Variants in PREX2 observed in about 807,000 individuals in gnomAD.
PREX2 encodes the protein phosphatidylinositol 3,4,5-trisphosphate-dependent Rac exchanger 2 protein.
Under a neutral mutation model 203.2 loss-of-function variants are expected in PREX2, and 107 were observed. The observed-to-expected ratio is 0.53, with a 90% CI of 0.45 to 0.62. The LOEUF is 0.62. PREX2 is among the 20% of genes least tolerant of loss of function. The probability of loss-of-function intolerance (pLI) is 0.00; values close to 1 mark genes in which losing one functional copy is unlikely to be tolerated. For missense variants in PREX2, 1,777 were observed against 1,955.9 expected (o/e 0.91, Z 1.72); for synonymous variants, 672 against 663.6 (o/e 1.01, Z -0.19).
chr8:68,021,226 G>A (rs1807559372), intron 3 of PREX2, among the ~76,000 whole-genome samples: 1 of 152,088 alleles, frequency 6.6e-6, no homozygotes, highest in Admixed American at 6.5e-5. Flanking sequence ...TCTCTGTGTT[G>A]ATCCCAAATC....
intron 22 of PREX2, 56 bp downstream of exon 22, chr8:68,097,257 C>T (rs1331843671): frequency 1.4e-6 from 2 of 1,385,756 alleles, no homozygotes; most frequent in Middle Eastern, 2.0e-4. Context: ...GAACTGAAAT[C>T]CTCCCTCTCC....
At chr8:68,001,946 C>T (rs752624818) in intron 1 of PREX2, among the ~76,000 whole-genome samples, 11 of 151,950 alleles carry the variant, frequency 7.2e-5, no homozygotes, top group African/African-American at 1.4e-4. Flanking sequence ...TACTTGAGGG[C>T]GGAGGGTGGG....
intron 1 of PREX2, among the ~76,000 whole-genome samples, chr8:68,007,781 T>C (rs963928041): frequency 4.6e-5 from 7 of 152,178 alleles, no homozygotes; most frequent in Non-Finnish European, 5.9e-5. Context: ...GGCTCATTTT[T>C]TGTATTTTTA....
chr8:68,037,687 T>C (rs942252309), intron 6 of PREX2, among the ~76,000 whole-genome samples: 2 of 152,224 alleles, frequency 1.3e-5, no homozygotes, highest in African/African-American at 4.8e-5. Flanking sequence ...TTTCTCTTTT[T>C]ATTTCTTTTC....
intron 8 of PREX2, among the ~76,000 whole-genome samples, chr8:68,049,631 G>A (rs1479655494): frequency 6.6e-6 from 1 of 152,072 alleles, no homozygotes; most frequent in East Asian, 1.9e-4. Flanking sequence ...ACTAAAGACT[G>A]TTGAATTTGG....
chr8:68,217,715 G>A lies in PREX2; in HGVS notation c.4704G>A (p.Lys1568=). The change falls in exon 38 of 40, where the codon AAG becomes AAA. Residue 1568 remains lysine, a synonymous_variant. Coordinates refer to ENST00000288368, the MANE Select transcript of PREX2 (RefSeq NM_024870.4). ...TGCAGGCTACAGATGTGATGCGGAA[G>A]CAGGTAGGTCTCATGCAGACTTGGG... ...YIMQATDVMR[K]QGARVQNTAK... The A allele has an allele frequency of 1.2e-6, 2 of 1,611,726 alleles. No individual in the cohort carries two copies. Among genetic ancestry groups the A allele is most frequent in the Non-Finnish European group, 1.7e-6 (2 of 1,178,004 alleles).
intron 35 of PREX2, among the ~76,000 whole-genome samples, chr8:68,175,570 G>T (rs780929833): frequency 6.6e-6 from 1 of 152,236 alleles, no homozygotes. Context: ...GAAGAAAAAG[G>T]CAGAAGGAAC....
At chr8:68,018,435 C>T (rs1807468276) in intron 2 of PREX2, among the ~76,000 whole-genome samples, 1 of 151,858 alleles carries the variant, frequency 6.6e-6, no homozygotes, top group African/African-American at 2.4e-5. Flanking sequence ...CCATTGCACT[C>T]CAGCCTGGGC....
chr8:68,006,775 C>T (rs1807110894), intron 1 of PREX2, among the ~76,000 whole-genome samples: 1 of 152,176 alleles, frequency 6.6e-6, no homozygotes, highest in Non-Finnish European at 1.5e-5. Context: ...AATGTTGGTT[C>T]TTGAGGACCT....
intron 15 of PREX2, among the ~76,000 whole-genome samples, chr8:68,078,944 A>C (rs942738001): frequency 1.3e-5 from 2 of 152,192 alleles, no homozygotes; most frequent in Non-Finnish European, 2.9e-5. Flanking sequence ...TCCTTTTAAA[A>C]GACAATTTGG....
chr8:68,024,567 A>T (rs913816054), intron 4 of PREX2, among the ~76,000 whole-genome samples: 1 of 151,822 alleles, frequency 6.6e-6, no homozygotes, highest in African/African-American at 2.4e-5. Flanking sequence ...TCTCTAGAAG[A>T]TGGCATATTG....
At chr8:68,129,357 AT>A (rs1370850154) in intron 31 of PREX2, among the ~76,000 whole-genome samples, 1 of 151,938 alleles carries the variant, frequency 6.6e-6, no homozygotes, top group East Asian at 1.9e-4. Context: ...TTATTTTTCT[AT>A]TCCTCTTATG....
chr8:68,083,692 A>G (rs1340999404), intron 18 of PREX2, among the ~76,000 whole-genome samples: 2 of 152,148 alleles, frequency 1.3e-5, no homozygotes, highest in Non-Finnish European at 2.9e-5. Flanking sequence ...AGAACATTTG[A>G]GAATAAGGAA....
chr8:68,038,168 A>G lies in PREX2; in HGVS notation c.715A>G (p.Ile239Val). Residue 239 changes from isoleucine to valine, a missense_variant, in exon 7 of 40, where the codon ATC becomes GTC. Transcript: ENST00000288368. ...ATTTCTCCTGACTTAGGGGTCCAAC[A>G]TCACTGACACCTGCACTGAAATGCT... is the stretch of plus-strand genomic sequence containing the variant. ...SHIEGWEGSNITDTCTEMLMC... is the reference protein window; with the variant it reads ...SHIEGWEGSNVTDTCTEMLMC... The G allele has an allele frequency of 1.2e-6, 2 of 1,613,684 alleles. No homozygotes were observed. Among genetic ancestry groups the G allele is most frequent in the Non-Finnish European group, 1.7e-6 (2 of 1,179,680 alleles).
chr8:68,194,746 A>G (rs1312222669), intron 37 of PREX2, among the ~76,000 whole-genome samples: 1 of 151,880 alleles, frequency 6.6e-6, no homozygotes. Context: ...GGTCGCAGTG[A>G]GCGGAGATCA....
chr8:68,065,885 A>AT (rs1442594782), intron 11 of PREX2, among the ~76,000 whole-genome samples: 1 of 152,184 alleles, frequency 6.6e-6, no homozygotes, highest in African/African-American at 2.4e-5. Context: ...TTAGTAGGAG[A>AT]TTCCCTCCCC....
At chr8:68,031,107 G>A (rs867805750) in intron 6 of PREX2, among the ~76,000 whole-genome samples, 1 of 152,024 alleles carries the variant, frequency 6.6e-6, no homozygotes, top group Non-Finnish European at 1.5e-5. Context: ...TGAAGGAACT[G>A]GCTATGATCT....
chr8:68,007,003 T>C (rs1807116760), intron 1 of PREX2, among the ~76,000 whole-genome samples: 1 of 152,226 alleles, frequency 6.6e-6, no homozygotes, highest in Non-Finnish European at 1.5e-5. Flanking sequence ...AGCTTTTCTT[T>C]GTCCTGTGGA....
chr8:67,991,586 GCTAA>G (rs1554561698), intron 1 of PREX2, among the ~76,000 whole-genome samples: 3 of 152,156 alleles, frequency 2.0e-5, no homozygotes, highest in Admixed American at 6.5e-5. Context: ...ATCAGAATTC[GCTAA>G]CTATCATGAG....
Sources: gnomAD v4.1 joint callset for allele counts (sites outside exome capture counted in the v4.1 genomes callset) on GRCh38, gnomAD v4.1.1 for gene constraint, MANE v1.5 for transcripts, NCBI Gene and HGNC (gene_info 2026-07-23, HGNC 2026-07-21) for gene names.